KCNC2: variants seen among roughly 807,000 people sequenced by gnomAD.
KCNC2 encodes the protein potassium voltage-gated channel subfamily C member 2.
A neutral mutation model predicts 44.5 loss-of-function variants in KCNC2; 21 were observed. The observed-to-expected ratio is 0.47, with a 90% CI of 0.33 to 0.68. The LOEUF is 0.68. KCNC2 is among the 30% of genes least tolerant of loss of function. The pLI, the probability that KCNC2 is intolerant of heterozygous loss-of-function variation, is 0.01. For synonymous variants in KCNC2, 391 were observed against 339.1 expected, an observed-to-expected ratio of 1.15 and a Z score of -1.68; for missense variants, 589 against 826.2, an observed-to-expected ratio of 0.71 and a Z score of 3.52.
intron 2 of KCNC2, among the ~76,000 whole-genome samples, chr12:75,121,592 G>T (rs1282407241): frequency 2.0e-5 from 3 of 152,166 alleles, no homozygotes; most frequent in Non-Finnish European, 4.4e-5. Flanking sequence ...TGTGCATTTT[G>T]ATTAGCTATT....
chr12:75,208,807 T>G (rs1181847996), intron 1 of KCNC2, among the ~76,000 whole-genome samples: 1 of 152,146 alleles, frequency 6.6e-6, no homozygotes, highest in Non-Finnish European at 1.5e-5. Context: ...TTCGATTTCC[T>G]TTTCACGTTA....
At chr12:75,170,991 A>C (rs1162851479) in intron 2 of KCNC2, among the ~76,000 whole-genome samples, 3 of 151,546 alleles carry the variant, frequency 2.0e-5, no homozygotes, top group African/African-American at 7.3e-5. Flanking sequence ...GCTTGATGTT[A>C]CTTTCAGTTC....
chr12:75,195,832 G>A (rs2030714381), intron 2 of KCNC2, among the ~76,000 whole-genome samples: 1 of 152,114 alleles, frequency 6.6e-6, no homozygotes, highest in African/African-American at 2.4e-5. Context: ...TACCAGCAGA[G>A]AAAGACCAGA....
intron 2 of KCNC2, among the ~76,000 whole-genome samples, chr12:75,062,312 C>T (rs1882424908): frequency 6.6e-6 from 1 of 152,048 alleles, no homozygotes; most frequent in South Asian, 2.1e-4. Flanking sequence ...TTTATGCATA[C>T]ACATGCATGA....
chr12:75,182,520 C>CAAAAAAAAAAAAAA (rs71438888), intron 2 of KCNC2, among the ~76,000 whole-genome samples: 1 of 81,422 alleles, frequency 1.2e-5, no homozygotes, highest in African/African-American at 4.1e-5. Flanking sequence ...GATTCCGTCT[C>CAAAAAAAAAAAAAA]AAAAAAAAAA....
intron 2 of KCNC2, among the ~76,000 whole-genome samples, chr12:75,150,000 C>T (rs1044941725): frequency 5.3e-5 from 8 of 151,768 alleles, no homozygotes; most frequent in Non-Finnish European, 1.2e-4. Context: ...GTGTCCAGAA[C>T]TCTTTGGTAT....
chr12:75,183,328 G>A lies in KCNC2; in HGVS notation c.687+23969C>T, dbSNP rs537258123. ...ATTTGACCAATCCTTTGTGCTAAGC[G>A]AAGACGTGCTTCTACAACCAGGATC... On this transcript the variant is annotated intron_variant, in intron 2 of 4. Transcript: ENST00000549446. Among the ~76,000 whole-genome samples the A allele has an allele frequency of 1.3e-3, 202 of 152,292 alleles. 1 individual carries two copies. The highest frequency in any genetic ancestry group is 4.5e-3 in the African/African-American group (188 of 41,550).
At chr12:75,153,784 C>T (rs186766310) in intron 2 of KCNC2, among the ~76,000 whole-genome samples, 5 of 151,530 alleles carry the variant, frequency 3.3e-5, no homozygotes, top group African/African-American at 4.8e-5. Context: ...TTAAGAAAAA[C>T]GTGAAGGAGA....
chr12:75,042,816 T>C lies in KCNC2; in HGVS notation c.*289A>G. The C allele has an allele frequency of 1.6e-6, 2 of 1,217,576 alleles. No homozygotes were observed. Among genetic ancestry groups the C allele is most frequent in the Non-Finnish European group, 2.0e-6 (2 of 976,014 alleles). 75.4% of individuals were successfully genotyped at this position (1,217,576 alleles called of 1,614,324 possible). On this transcript the variant is annotated 3_prime_UTR_variant, in exon 5 of 5. Transcript: ENST00000549446. ...ATATATCTCCCTGAAGGTATGTTTA[T>C]ATATTAGTGCACTGGTCAATATCTG...
At chr12:75,078,278 G>A (rs902123863) in intron 2 of KCNC2, among the ~76,000 whole-genome samples, 6 of 152,096 alleles carry the variant, frequency 3.9e-5, no homozygotes, top group African/African-American at 9.7e-5. Context: ...GACCAGCCCC[G>A]GTGGGACGGC....
At chr12:75,187,074 A>G (rs927824568) in intron 2 of KCNC2, among the ~76,000 whole-genome samples, 35 of 152,252 alleles carry the variant, frequency 2.3e-4, no homozygotes, top group African/African-American at 8.4e-4. Context: ...CCCTAAGAAC[A>G]GTACTTTACC....
At chr12:75,170,669 C>A (rs59879144) in intron 2 of KCNC2, among the ~76,000 whole-genome samples, 7,637 of 151,802 alleles carry the variant, frequency 0.05, 247 homozygotes, top group African/African-American at 0.083. Context: ...GATGTAATTT[C>A]TTTCTTTAAT....
Position 75,184,644 on chromosome 12 carries a change from T to TA in KCNC2, c.687+22652dup, listed in dbSNP as rs1052779426. Among the ~76,000 whole-genome samples the TA allele has an allele frequency of 7.9e-5, 12 of 151,910 alleles. No individual in the cohort carries two copies. In the South Asian group the frequency reaches 1.0e-3, roughly 13 times the overall value. ...CTTTTTACTACCTTATGTTGCTTGA[T>TA]AAAAAAAATGCTGCCACACATTTAT... On this transcript the variant is annotated intron_variant, in intron 2 of 4. Transcript: ENST00000549446.
intron 2 of KCNC2, among the ~76,000 whole-genome samples, chr12:75,057,894 A>G (rs1881916734): frequency 1.3e-5 from 2 of 151,836 alleles, no homozygotes; most frequent in South Asian, 2.1e-4. Flanking sequence ...TCCAATGTAC[A>G]TATACAATCC....
intron 2 of KCNC2, among the ~76,000 whole-genome samples, chr12:75,149,368 T>C (rs1031093223): frequency 4.6e-5 from 7 of 151,914 alleles, no homozygotes; most frequent in African/African-American, 1.7e-4. Context: ...TCATTATTTT[T>C]TAGTCTTCTG....
intron 2 of KCNC2, among the ~76,000 whole-genome samples, chr12:75,076,929 A>C (rs1276214231): frequency 6.6e-6 from 1 of 152,204 alleles, no homozygotes; most frequent in Non-Finnish European, 1.5e-5. Flanking sequence ...AAAACAGTCA[A>C]CTTACAAAAA....
At chr12:75,177,581 A>C (rs772813714) in intron 2 of KCNC2, among the ~76,000 whole-genome samples, 7 of 151,996 alleles carry the variant, frequency 4.6e-5, no homozygotes, top group Non-Finnish European at 8.8e-5. Flanking sequence ...CAGTTCATTC[A>C]ATTGTTCTTC....
rs554798819 is a variant in KCNC2 at position 75,176,663 on chromosome 12, G to T, written c.687+30634C>A. Among the ~76,000 whole-genome samples, 21 of 151,838 alleles carry T rather than the reference G, an allele frequency of 1.4e-4. No individual in the cohort carries two copies. The South Asian group carries it at 4.4e-3, about 32-fold the overall frequency. On this transcript the variant is annotated intron_variant, in intron 2 of 4. Coordinates refer to ENST00000549446, the MANE Select transcript of KCNC2 (RefSeq NM_139137.4). ...TGAACTTCATTTTTTCTCTCCTTCA[G>T]TTAATAATACATGTCTGCCACCTAA... is the stretch of plus-strand genomic sequence containing the variant.
chr12:75,096,190 A>G (rs1885907694), intron 2 of KCNC2, among the ~76,000 whole-genome samples: 1 of 151,944 alleles, frequency 6.6e-6, no homozygotes. Context: ...CCTCAATCTT[A>G]TTTCTCCATA....
Sources: gnomAD v4.1 joint callset for allele counts (sites outside exome capture counted in the v4.1 genomes callset) on GRCh38, gnomAD v4.1.1 for gene constraint, MANE v1.5 for transcripts, NCBI Gene and HGNC (gene_info 2026-07-23, HGNC 2026-07-21) for gene names.